RAPGEF6: variants seen among roughly 807,000 people sequenced by gnomAD.
RAPGEF6 encodes PDZ domain containing guanine nucleotide exchange factor (GEF) 2.
In RAPGEF6, 56 loss-of-function variants were observed where a neutral mutation model predicts 171.4. The observed-to-expected ratio is 0.33, with a 90% CI of 0.26 to 0.41. The LOEUF is 0.41. RAPGEF6 is among the 10% of genes least tolerant of loss of function. RAPGEF6 has a pLI of 1.00. For missense variants in RAPGEF6, 1,674 were observed against 1,921.4 expected, an observed-to-expected ratio of 0.87 and a Z score of 2.41; for synonymous variants, 692 against 650.1, an observed-to-expected ratio of 1.06 and a Z score of -0.98.
At chr5:131,467,530 T>G (rs1464518523) in intron 17 of RAPGEF6, among the ~76,000 whole-genome samples, 6 of 152,236 alleles carry the variant, frequency 3.9e-5, no homozygotes, top group African/African-American at 1.4e-4. Flanking sequence ...ACATGTTTCT[T>G]GTTAGTAGGA....
At chr5:131,486,726 ATTTT>A (rs5871425) in intron 15 of RAPGEF6, among the ~76,000 whole-genome samples, 1 of 127,298 alleles carries the variant, frequency 7.9e-6, no homozygotes. Flanking sequence ...CAAGGGATAA[ATTTT>A]TTTTTTTTTT....
rs1751528353 is a variant in RAPGEF6, at chr5:131,428,902, C to G, written c.4780G>C (p.Glu1594Gln). The change falls in exon 27 of 28, where the codon GAA (glutamate) becomes CAA (glutamine). Residue 1594 changes from glutamate to glutamine, a missense_variant and splice_region_variant. Glu to Gln is a conservative substitution (Grantham distance 29). This residue lies in a region of RAPGEF6 where 552 missense variants were observed against 574.2 expected (regional missense o/e 0.96). Transcript: ENST00000509018. ...CCTTTAAGAGAGCTTGTCAACATACCATCTGCTTCGCTATCTGCATCAGTC... is the reference window on the plus strand; with the variant it reads ...CCTTTAAGAGAGCTTGTCAACATACGATCTGCTTCGCTATCTGCATCAGTC... ...DVTDADSEAD[E>Q]NEQVSAV The G allele has an allele frequency of 5.0e-6, 8 of 1,611,012 alleles. No homozygotes were observed. Among genetic ancestry groups the G allele is most frequent in the Non-Finnish European group, 5.9e-6 (7 of 1,177,618 alleles).
intron 4 of RAPGEF6, among the ~76,000 whole-genome samples, chr5:131,589,634 A>C (rs1014591406): frequency 6.6e-6 from 1 of 152,208 alleles, no homozygotes; most frequent in Non-Finnish European, 1.5e-5. Context: ...TCTACCCTTT[A>C]TTGCCATACT....
intron 1 of RAPGEF6, among the ~76,000 whole-genome samples, chr5:131,622,029 G>A (rs1336069414): frequency 1.3e-5 from 2 of 152,140 alleles, no homozygotes; most frequent in Non-Finnish European, 2.9e-5. Flanking sequence ...CCTGGCACAT[G>A]AAACAGTGCT....
intron 9 of RAPGEF6, among the ~76,000 whole-genome samples, chr5:131,507,461 T>A (rs1464806333): frequency 6.6e-6 from 1 of 152,052 alleles, no homozygotes; most frequent in African/African-American, 2.4e-5. Context: ...TCAGCATTAA[T>A]CAAATGAGTA....
At chr5:131,627,342 C>T (rs1765998214) in intron 1 of RAPGEF6, among the ~76,000 whole-genome samples, 1 of 152,196 alleles carries the variant, frequency 6.6e-6, no homozygotes, top group African/African-American at 2.4e-5. Context: ...TGAAACCAAG[C>T]TGCTGAGTAA....
intron 1 of RAPGEF6, among the ~76,000 whole-genome samples, chr5:131,626,406 G>A (rs545407428): frequency 3.9e-5 from 6 of 151,998 alleles, no homozygotes; most frequent in South Asian, 2.1e-4. Flanking sequence ...CACTTCCAAC[G>A]GGAATGCCTG....
At chr5:131,511,401 T>C (rs1757710818) in intron 7 of RAPGEF6, 1 of 151,772 alleles carries the variant, frequency 6.6e-6, no homozygotes, top group East Asian at 1.9e-4. Context: ...ATATGAATAT[T>C]AGTGAAGACT....
intron 1 of RAPGEF6, among the ~76,000 whole-genome samples, chr5:131,618,737 C>T (rs548111892): frequency 1.3e-5 from 2 of 152,334 alleles, no homozygotes; most frequent in East Asian, 3.9e-4. Context: ...GGTAAAACCA[C>T]TGTTGGAGAA....
chr5:131,507,301 C>T (rs1309637113), intron 9 of RAPGEF6, among the ~76,000 whole-genome samples: 11 of 151,556 alleles, frequency 7.3e-5, no homozygotes, highest in Non-Finnish European at 1.2e-4. Context: ...GAGTTCTACA[C>T]GTCTCCTCAG....
At position 131,506,549 on chromosome 5, in the gene RAPGEF6, T is replaced by C. The variant is rs556056385; in HGVS notation, c.943-1027A>G. Among the ~76,000 whole-genome samples the C allele has an allele frequency of 2.3e-4, 35 of 152,318 alleles. No homozygotes were observed. In the South Asian group the frequency reaches 6.4e-3, roughly 28 times the overall value. ...TAGTTTTAATGTGATTTAAGGGAAATCAAGATGGTTAGTTCTGAAGGGTAA... is the reference window on the plus strand; with the variant it reads ...TAGTTTTAATGTGATTTAAGGGAAACCAAGATGGTTAGTTCTGAAGGGTAA... On this transcript the variant is annotated intron_variant, in intron 9 of 27. Coordinates refer to ENST00000509018, the MANE Select transcript of RAPGEF6 (RefSeq NM_016340.6).
intron 7 of RAPGEF6, among the ~76,000 whole-genome samples, chr5:131,514,634 A>C (rs571090789): frequency 1.1e-4 from 16 of 152,178 alleles, no homozygotes; most frequent in Non-Finnish European, 2.2e-4. Context: ...AAAAATGGAT[A>C]ATCTCAGTAA....
Position 131,548,119 on chromosome 5 carries a change from T to A in RAPGEF6, c.423A>T (p.Arg141Ser), listed in dbSNP as rs1760671217. The change falls in exon 6 of 28, where the codon AGA becomes AGT. Residue 141 changes from arginine (R) to serine (S), a missense_variant. Transcript: ENST00000509018. Reference sequence around the variant, plus strand: ...CTCCTTTATAGTTAATTTTCCGAAATCTTCTTCGGGATTGTCTGGCAGGAA... The same window carrying A: ...CTCCTTTATAGTTAATTTTCCGAAAACTTCTTCGGGATTGTCTGGCAGGAA... ...REIPARQSRR[R>S]FRKINYKGER... 1.9e-6 allele frequency: 3 copies of A among 1,614,018 alleles called. No individual in the cohort carries two copies. The highest frequency in any genetic ancestry group is 2.5e-6 in the Non-Finnish European group (3 of 1,179,928).
At chr5:131,535,589 A>G (rs1477101987) in intron 6 of RAPGEF6, among the ~76,000 whole-genome samples, 1 of 152,158 alleles carries the variant, frequency 6.6e-6, no homozygotes, top group Non-Finnish European at 1.5e-5. Flanking sequence ...AACCCTTATT[A>G]ATGAAATCTT....
rs1580806974 is a variant in RAPGEF6, at chr5:131,425,689, C to A, written c.*1577G>T. On this transcript the variant is annotated 3_prime_UTR_variant, in exon 28 of 28. Coordinates refer to ENST00000509018, the MANE Select transcript of RAPGEF6 (RefSeq NM_016340.6). ...ATGAACTACTACCATTTACCACTTACAACTGATTCATGATTTTAAAATGAA... is the reference window on the plus strand; with the variant it reads ...ATGAACTACTACCATTTACCACTTAAAACTGATTCATGATTTTAAAATGAA... 1 of 152,304 alleles carries A rather than the reference C, an allele frequency of 6.6e-6. No homozygotes were observed. The highest frequency in any genetic ancestry group is 2.4e-5 in the African/African-American group (1 of 41,514). 9.4% of individuals were successfully genotyped at this position (152,304 alleles called of 1,614,324 possible).
chr5:131,430,759 A>G, intron 26 of RAPGEF6, 100 bp downstream of exon 26: 1 of 1,457,950 alleles, frequency 6.9e-7, no homozygotes, highest in Non-Finnish European at 9.5e-7. Flanking sequence ...TTGTTAGAGA[A>G]TGAATTTTTG....
intron 1 of RAPGEF6, among the ~76,000 whole-genome samples, chr5:131,609,418 A>C (rs1359698881): frequency 6.6e-6 from 1 of 152,200 alleles, no homozygotes; most frequent in African/African-American, 2.4e-5. Flanking sequence ...GAATGGGCAC[A>C]AAGTGTATAA....
In RAPGEF6 at chr5:131,548,835, C is replaced by T. The variant is rs576185891; in HGVS notation, c.352-645G>A. On this transcript the variant is annotated intron_variant, in intron 5 of 27. Transcript: ENST00000509018. ...CCAAAGATATTAGTGACATTCCAGT[C>T]TCACAACAGTGATACTTATTAAAGG... Among the ~76,000 whole-genome samples, 13 of 152,218 alleles carry T rather than the reference C, an allele frequency of 8.5e-5. No individual in the cohort carries two copies. The South Asian group carries it at 2.7e-3, about 32-fold the overall frequency.
chr5:131,632,091 A>AG (rs1766348455), intron 1 of RAPGEF6, among the ~76,000 whole-genome samples: 1 of 151,802 alleles, frequency 6.6e-6, no homozygotes, highest in East Asian at 1.9e-4. Flanking sequence ...AAAAAAAAAA[A>AG]AAAAAGGTTA....
Sources: gnomAD v4.1 joint callset for allele counts (sites outside exome capture counted in the v4.1 genomes callset) on GRCh38, gnomAD v4.1.1 for gene constraint, gnomAD v4.1.1 regional missense constraint, MANE v1.5 for transcripts, NCBI Gene and HGNC (gene_info 2026-07-23, HGNC 2026-07-21) for gene names.